SP9: variants seen among roughly 807,000 people sequenced by gnomAD.
SP9 encodes transcription factor Sp9.
SP9 carries 5 observed loss-of-function variants against 23.0 expected under a neutral mutation model. The observed-to-expected ratio is 0.22, with a 90% CI of 0.11 to 0.46. The LOEUF (loss-of-function observed/expected upper bound fraction) is 0.46, where lower values mean the gene tolerates loss of function less well. Ranked by LOEUF, SP9 falls within the 20% of genes least tolerant of loss-of-function variation. The pLI is 0.99. For synonymous variants in SP9, 360 were observed against 356.5 expected (o/e 1.01, Z -0.11); for missense variants, 542 against 724.0 (o/e 0.75, Z 2.88).
In SP9 at chr2:174,337,607, GGCGA is replaced by G; in HGVS notation, c.*75_*78del. On this transcript the variant is annotated 3_prime_UTR_variant, in exon 2 of 2. Transcript: ENST00000394967. Reference sequence around the variant, plus strand: ...CCGAGAACGAACGAGAGGTTCGGAGGGCGAGCGAGCGGGAGGCGGGAGGGCAGGG... The same window carrying G: ...CCGAGAACGAACGAGAGGTTCGGAGGGCGAGCGGGAGGCGGGAGGGCAGGG... 9.2e-7 allele frequency: 1 copy of G among 1,091,448 alleles called. No homozygotes were observed. Among genetic ancestry groups the G allele is most frequent in the Non-Finnish European group, 1.1e-6 (1 of 897,674 alleles). 67.6% of individuals were successfully genotyped at this position (1,091,448 alleles called of 1,614,324 possible).
rs1427882920 is a variant in SP9 at position 174,338,113 on chromosome 2, CAAT to C, written c.*574_*576del. 4 of 152,266 alleles carry C rather than the reference CAAT, an allele frequency of 2.6e-5. No individual in the cohort carries two copies. The East Asian group carries it at 5.8e-4, about 22-fold the overall frequency. 9.4% of individuals were successfully genotyped at this position (152,266 alleles called of 1,614,324 possible). A position where few individuals can be genotyped will look rare whatever the true frequency, so the allele number is the denominator to read the frequency against. ...CCAAGTCCTGCCTGATATCTACTTACAATGAGACTTTTTTCCTAAAAAAGGAAG... is the reference window on the plus strand; with the variant it reads ...CCAAGTCCTGCCTGATATCTACTTACGAGACTTTTTTCCTAAAAAAGGAAG... On this transcript the variant is annotated 3_prime_UTR_variant, in exon 2 of 2. Coordinates refer to ENST00000394967, the MANE Select transcript of SP9 (RefSeq NM_001145250.2).
At position 174,334,976 on chromosome 2, in the gene SP9, G is replaced by A. The variant is rs549799606; in HGVS notation, c.-117G>A. On this transcript the variant is annotated 5_prime_UTR_variant, in exon 1 of 2. Transcript: ENST00000394967. ...GCTGAGTTTAGCCGGCGGGAGCCTG[G>A]AGTCCGCTCGGCACGAGCGCGGGGA... 1 of 1,221,428 alleles carries A rather than the reference G, an allele frequency of 8.2e-7. No homozygotes were observed. The highest frequency in any genetic ancestry group is 1.5e-5 in the African/African-American group (1 of 65,958). 75.7% of individuals were successfully genotyped at this position (1,221,428 alleles called of 1,614,324 possible).
chr2:174,337,262 G>C lies in SP9; in HGVS notation c.1177G>C (p.Ala393Pro). 2.6e-6 allele frequency: 4 copies of C among 1,565,204 alleles called. No individual in the cohort carries two copies. Among genetic ancestry groups the C allele is most frequent in the Non-Finnish European group, 2.6e-6 (3 of 1,155,120 alleles). ...GACTCACACGGGCGAGAAGCGCTTC[G>C]CCTGTCCGGTGTGCAACAAGCGCTT... ...LRTHTGEKRF[A>P]CPVCNKRFMR... The change falls in exon 2 of 2, where the codon GCC (alanine) becomes CCC (proline). Residue 393 changes from alanine to proline, a missense_variant. By Grantham distance (27) the Ala-to-Pro change is conservative. This residue lies in a region of SP9 where 31 missense variants were observed against 16.7 expected (regional missense o/e 1.85). Transcript: ENST00000394967.
In SP9 at chr2:174,335,016, G is replaced by C; in HGVS notation, c.-77G>C. 2 of 1,507,508 alleles carry C rather than the reference G, an allele frequency of 1.3e-6. No individual in the cohort carries two copies. Among genetic ancestry groups the C allele is most frequent in the East Asian group, 2.5e-5 (1 of 40,462 alleles). The allele number at this position is 1,507,508 out of a possible 1,614,324, so 93.4% of individuals were successfully genotyped here. On this transcript the variant is annotated 5_prime_UTR_variant, in exon 1 of 2. Coordinates refer to ENST00000394967, the MANE Select transcript of SP9 (RefSeq NM_001145250.2). The stretch of plus-strand genomic sequence containing the variant: ...GAGCGCGGGGACGCGGGAGCCGCGC[G>C]GGACCCAAGCAGTTTTTCCGAGCAG...
rs1036942928 is a variant in SP9, at chr2:174,336,331, G to C, written c.246G>C (p.Ser82=). 7.3e-6 allele frequency: 11 copies of C among 1,497,828 alleles called. No homozygotes were observed. Among genetic ancestry groups the C allele is most frequent in the South Asian group, 5.1e-5 (4 of 78,874 alleles). 92.8% of individuals were successfully genotyped at this position (1,497,828 alleles called of 1,614,324 possible). ...GRGSGGLAGG[S]GAANSAFCLA... ...GCTCGGGCGGCCTGGCGGGCGGCTCGGGCGCCGCCAACAGCGCCTTCTGCC... is the reference window on the plus strand; with the variant it reads ...GCTCGGGCGGCCTGGCGGGCGGCTCCGGCGCCGCCAACAGCGCCTTCTGCC... The change falls in exon 2 of 2, where the codon TCG becomes TCC. Residue 82 remains serine, a synonymous_variant. Coordinates refer to ENST00000394967, the MANE Select transcript of SP9 (RefSeq NM_001145250.2).
At chr2:174,335,892 C>T in intron 1 of SP9, 2 of 540,638 alleles carry the variant, frequency 3.7e-6, no homozygotes, top group Non-Finnish European at 6.5e-6. Flanking sequence ...TGCAACTTTC[C>T]GGCGCCTGGA....
chr2:174,335,909 C>A (rs771187407), intron 1 of SP9, 198 bp from the exon 2 acceptor site: 1 of 557,580 alleles, frequency 1.8e-6, no homozygotes, highest in Admixed American at 3.6e-5. Flanking sequence ...TGGACCTTCG[C>A]CCGGGTGATC....
In SP9 at chr2:174,336,912, C is replaced by A; in HGVS notation, c.827C>A (p.Ala276Asp). The A allele has an allele frequency of 6.7e-7, 1 of 1,482,704 alleles. No individual in the cohort carries two copies. The highest frequency in any genetic ancestry group is 1.5e-5 in the African/African-American group (1 of 68,470). The allele number at this position is 1,482,704 out of a possible 1,614,324, so 91.8% of individuals were successfully genotyped here. A position where few individuals can be genotyped will look rare whatever the true frequency, so the allele number is the denominator to read the frequency against. ...SYSDSSAAVA[A>D]AAASAMISGA... ...TCGGACTCCAGCGCCGCCGTGGCAGCCGCCGCCGCCAGCGCCATGATATCG... is the reference window on the plus strand; with the variant it reads ...TCGGACTCCAGCGCCGCCGTGGCAGACGCCGCCGCCAGCGCCATGATATCG... The change falls in exon 2 of 2, where the codon GCC (alanine) becomes GAC (aspartate). Residue 276 changes from alanine (A) to aspartate (D), a missense_variant. By Grantham distance (126) the Ala-to-Asp change is moderately radical (BLOSUM62 -2). Coordinates refer to ENST00000394967, the MANE Select transcript of SP9 (RefSeq NM_001145250.2).
chr2:174,336,020 A>T, intron 1 of SP9, 87 bp from the exon 2 acceptor site: 1 of 1,280,720 alleles, frequency 7.8e-7, no homozygotes. Context: ...GCAGGGGACG[A>T]GGCTGCTCAC....
Position 174,336,136 on chromosome 2 carries a change from G to A in SP9, c.51G>A (p.Leu17=). 1 of 1,548,858 alleles carries A rather than the reference G, an allele frequency of 6.5e-7. No individual in the cohort carries two copies. The stretch of plus-strand genomic sequence containing the variant: ...AGCCGCGCTTCGGAACGACCCCGTT[G>A]GCCATGCTGGCGGCGACCTGCAACA... ...GEEPRFGTTP[L]AMLAATCNKI... is the part of the protein sequence containing the mutation. The change falls in exon 2 of 2, where the codon TTG becomes TTA. Residue 17 remains leucine, a synonymous_variant. Coordinates refer to ENST00000394967, the MANE Select transcript of SP9 (RefSeq NM_001145250.2).
chr2:174,337,495 C>CT lies in SP9; in HGVS notation c.1411dup (p.Ser471PhefsTer86), dbSNP rs1559049536. On this transcript the variant is annotated frameshift_variant, in exon 2 of 2. Transcript: ENST00000394967. LOFTEE classifies it high-confidence loss of function. ...CAGCGGCGGCGGCGGCGGCGGCGGCCTCCGCGGGAGGCAAGGAAGCAGCGT... is the reference window on the plus strand; with the variant it reads ...CAGCGGCGGCGGCGGCGGCGGCGGCCTTCCGCGGGAGGCAAGGAAGCAGCGT... 1.3e-5 allele frequency: 15 copies of CT among 1,192,956 alleles called. No individual in the cohort carries two copies. Among genetic ancestry groups the CT allele is most frequent in the Non-Finnish European group, 1.6e-5 (15 of 959,486 alleles). The allele number at this position is 1,192,956 out of a possible 1,614,324, so 73.9% of individuals were successfully genotyped here. A position where few individuals can be genotyped will look rare whatever the true frequency, so the allele number is the denominator to read the frequency against.
chr2:174,335,267 C>A, intron 1 of SP9, 154 bp downstream of exon 1: 1 of 838,074 alleles, frequency 1.2e-6, no homozygotes, highest in Admixed American at 2.8e-5. Flanking sequence ...CTGATTTTTC[C>A]CCAAGTTTTT....
chr2:174,337,471 A>AGCGGCGGCGGCGGCAGCGGCG lies in SP9; in HGVS notation c.1400_1401insAGCGGCGGCGGCGGCGGCGGC (p.Ala464_Ala470dup), dbSNP rs1684437819. 1 of 1,190,868 alleles carries AGCGGCGGCGGCGGCAGCGGCG rather than the reference A, an allele frequency of 8.4e-7. No homozygotes were observed. The highest frequency in any genetic ancestry group is 3.6e-5 in the South Asian group (1 of 28,128). 73.8% of individuals were successfully genotyped at this position (1,190,868 alleles called of 1,614,324 possible). ...GGGCGGCGGCAGCGGCGGCGGCGGCAGCGGCGGCGGCGGCGGCGGCGGCCT... is the reference window on the plus strand; with the variant it reads ...GGGCGGCGGCAGCGGCGGCGGCGGCAGCGGCGGCGGCGGCAGCGGCGGCGGCGGCGGCGGCGGCGGCGGCCT... On this transcript the variant is annotated inframe_insertion, in exon 2 of 2. Transcript: ENST00000394967.
Position 174,336,776 on chromosome 2 carries a change from G to A in SP9, c.691G>A (p.Ala231Thr). The A allele has an allele frequency of 6.5e-7, 1 of 1,532,320 alleles. No homozygotes were observed. The highest frequency in any genetic ancestry group is 8.7e-7 in the Non-Finnish European group (1 of 1,145,180). 94.9% of individuals were successfully genotyped at this position (1,532,320 alleles called of 1,614,324 possible). The change falls in exon 2 of 2, where the codon GCC (alanine) becomes ACC (threonine). Residue 231 changes from alanine (A) to threonine (T), a missense_variant. Ala to Thr is a moderately conservative substitution (Grantham distance 58). This residue lies in a region of SP9 where 144 missense variants were observed against 158.7 expected (regional missense o/e 0.91). Transcript: ENST00000394967. ...CGACTTCAGCTCGCTCACGCACTCC[G>A]CCTTCAGCTCCACGGGCCTCGGCTC... ...NPDFSSLTHSAFSSTGLGSSA... is the reference protein window; with the variant it reads ...NPDFSSLTHSTFSSTGLGSSA...
At position 174,338,166 on chromosome 2, in the gene SP9, T is replaced by C. The variant is rs1228914245; in HGVS notation, c.*626T>C. ...GCATCAAAAGGCTTAAGGTGAGAAA[T>C]TAAACTGGAAGTCTAGCGACAGTTT... On this transcript the variant is annotated 3_prime_UTR_variant, in exon 2 of 2. Coordinates refer to ENST00000394967, the MANE Select transcript of SP9 (RefSeq NM_001145250.2). The C allele has an allele frequency of 2.6e-5, 4 of 152,232 alleles. No homozygotes were observed. In the East Asian group the frequency reaches 7.7e-4, roughly 29 times the overall value. 9.4% of individuals were successfully genotyped at this position (152,232 alleles called of 1,614,324 possible).
Position 174,337,649 on chromosome 2 carries a change from C to T in SP9, c.*109C>T, listed in dbSNP as rs1158681615. ...CGGGAGGGCAGGGGCTTCAGTGACG[C>T]CCCCAGGGCCCGGGCTGGGCGCGAG... is the stretch of plus-strand genomic sequence containing the variant. On this transcript the variant is annotated 3_prime_UTR_variant, in exon 2 of 2. Coordinates refer to ENST00000394967, the MANE Select transcript of SP9 (RefSeq NM_001145250.2). The T allele has an allele frequency of 7.7e-6, 8 of 1,039,988 alleles. No individual in the cohort carries two copies. Among genetic ancestry groups the T allele is most frequent in the East Asian group, 6.8e-5 (1 of 14,632 alleles). 64.4% of individuals were successfully genotyped at this position (1,039,988 alleles called of 1,614,324 possible).
rs558356182 is a variant in SP9 at position 174,337,779 on chromosome 2, A to C, written c.*239A>C. Reference sequence around the variant, plus strand: ...AATCGAACGCGTGGTCCGGAAACAAAAGCGAACCATCCTCCGACACAAACA... The same window carrying C: ...AATCGAACGCGTGGTCCGGAAACAACAGCGAACCATCCTCCGACACAAACA... On this transcript the variant is annotated 3_prime_UTR_variant, in exon 2 of 2. Coordinates refer to ENST00000394967, the MANE Select transcript of SP9 (RefSeq NM_001145250.2). 4 of 272,176 alleles carry C rather than the reference A, an allele frequency of 1.5e-5. No homozygotes were observed. The East Asian group carries it at 4.2e-4, about 28-fold the overall frequency. The allele number at this position is 272,176 out of a possible 1,614,324, so 16.9% of individuals were successfully genotyped here.
intron 1 of SP9, chr2:174,335,385 A>C: frequency 4.1e-6 from 2 of 492,084 alleles, no homozygotes; most frequent in South Asian, 3.2e-5. Flanking sequence ...CGTGATTTAT[A>C]CCCCATCCCC....
chr2:174,336,915 C>T lies in SP9; in HGVS notation c.830C>T (p.Ala277Val). The T allele has an allele frequency of 6.7e-7, 1 of 1,486,326 alleles. No homozygotes were observed. The highest frequency in any genetic ancestry group is 8.9e-7 in the Non-Finnish European group (1 of 1,125,722). The allele number at this position is 1,486,326 out of a possible 1,614,324, so 92.1% of individuals were successfully genotyped here. A position where few individuals can be genotyped will look rare whatever the true frequency, so the allele number is the denominator to read the frequency against. The change falls in exon 2 of 2, where the codon GCC (alanine) becomes GTC (valine). Residue 277 changes from alanine to valine, a missense_variant. Around this residue, in one of 8 missense-constraint regions of SP9, gnomAD observed 144 missense variants for 158.7 expected, o/e 0.91. Transcript: ENST00000394967. The part of the protein sequence containing the change: ...YSDSSAAVAA[A>V]AASAMISGAA... ...GACTCCAGCGCCGCCGTGGCAGCCG[C>T]CGCCGCCAGCGCCATGATATCGGGC...
Sources: allele counts gnomAD v4.1 joint callset, GRCh38; gene constraint gnomAD v4.1.1; regional missense constraint gnomAD v4.1.1; transcripts MANE v1.5; gene names NCBI Gene and HGNC (gene_info 2026-07-23, HGNC 2026-07-21).